Variants in COMMD5 observed in about 807,000 individuals in gnomAD.
COMMD5 encodes COMM domain containing 5, also known as COMM domain-containing protein 5.
A neutral mutation model predicts 6.9 loss-of-function variants in COMMD5; 10 were observed. The observed-to-expected ratio is 1.44, with a 90% CI of 0.89 to 2.45. COMMD5 has a LOEUF of 2.45. Ranked by LOEUF, COMMD5 falls within the 30% of genes most tolerant of loss-of-function variation. COMMD5 has a pLI of 0.00. For missense variants in COMMD5, 234 were observed against 287.8 expected, an observed-to-expected ratio of 0.81 and a Z score of 1.35; for synonymous variants, 127 against 125.3, an observed-to-expected ratio of 1.01 and a Z score of -0.09.
At chr8:144,851,807 G>C (rs1830759934) in intron 1 of COMMD5, among the ~76,000 whole-genome samples, 1 of 152,132 alleles carries the variant, frequency 6.6e-6, no homozygotes, top group South Asian at 2.1e-4. Context: ...ACAACAGTGG[G>C]CAAGAAGAAT....
Position 144,841,345 on chromosome 8 carries a change from T to G in COMMD5, c.*515A>C. The G allele has an allele frequency of 2.5e-6, 4 of 1,594,050 alleles. No individual in the cohort carries two copies. The South Asian group carries it at 4.5e-5, about 18-fold the overall frequency. The stretch of plus-strand genomic sequence containing the variant: ...GGCCTAAGGAACGTCTTTGTTCCTG[T>G]TTATTTCAGATTCTACGATTAGGAC... On this transcript the variant is annotated 3_prime_UTR_variant and NMD_transcript_variant, in exon 2 of 2. Coordinates refer to the COMMD5 transcript ENST00000530332.
chr8:144,849,907 G>A (rs2130773056), downstream of COMMD5, among the ~76,000 whole-genome samples: 1 of 152,128 alleles, frequency 6.6e-6, no homozygotes, highest in South Asian at 2.1e-4. Context: ...AGGCTCTCAG[G>A]CCTTGACCTC....
chr8:144,846,272 C>T, downstream of COMMD5: 1 of 1,259,576 alleles, frequency 7.9e-7, no homozygotes, highest in Non-Finnish European at 1.1e-6. Flanking sequence ...CATTCTGCTT[C>T]AGCACCTGGA....
chr8:144,841,950 T>G, intron 1 of COMMD5: 1 of 1,614,112 alleles, frequency 6.2e-7, no homozygotes. Flanking sequence ...TTAAATGCAC[T>G]GAGTGTGGAA....
At chr8:144,845,448 T>G (rs928916032), downstream of COMMD5, among the ~76,000 whole-genome samples, 7 of 152,214 alleles carry the variant, frequency 4.6e-5, no homozygotes, top group South Asian at 1.5e-3. Context: ...GGTGGGGTTC[T>G]TGGCACATGC....
chr8:144,840,161 T>A (rs1008515122), downstream of COMMD5, among the ~76,000 whole-genome samples: 4 of 152,216 alleles, frequency 2.6e-5, no homozygotes, highest in African/African-American at 9.7e-5. Flanking sequence ...CAAGCCCTGT[T>A]GAAAGAGCAG....
downstream of COMMD5, chr8:144,847,395 A>AT (rs1167151058): frequency 3.3e-5 from 5 of 152,326 alleles, no homozygotes; most frequent in African/African-American, 9.6e-5. Context: ...GTGAGCTGTG[A>AT]TCGCACCACT....
At chr8:144,848,974 G>A (rs745428367), downstream of COMMD5, among the ~76,000 whole-genome samples, 1 of 152,222 alleles carries the variant, frequency 6.6e-6, no homozygotes, top group South Asian at 2.1e-4. Flanking sequence ...AGGGTTCACA[G>A]ATGAATTGAG....
intron 1 of COMMD5, chr8:144,841,744 C>T (rs1211845346): frequency 6.2e-7 from 1 of 1,614,036 alleles, no homozygotes; most frequent in African/African-American, 1.3e-5. Flanking sequence ...AGATATCGCT[C>T]TGCATTGGGA....
At chr8:144,840,522 TGTG>T (rs1829749934), downstream of COMMD5, among the ~76,000 whole-genome samples, 2 of 152,224 alleles carry the variant, frequency 1.3e-5, no homozygotes, top group South Asian at 4.2e-4. Flanking sequence ...AGCCGTGTGT[TGTG>T]GTTGCATCCT....
chr8:144,838,273 T>G (rs1262150350), downstream of COMMD5: 2 of 602,328 alleles, frequency 3.3e-6, no homozygotes, highest in Non-Finnish European at 3.0e-6. Context: ...CCCAGTGACC[T>G]CATGGTGACT....
chr8:144,843,391 C>T lies in COMMD5; in HGVS notation c.*117-1648G>A, dbSNP rs148358165. ...CATCACGAGGTCAGGAGGTTGAGAC[C>T]ATCCTGGGTAACAGGTGAAACCCCA... On this transcript the variant is annotated intron_variant and NMD_transcript_variant, in intron 1 of 1. Coordinates refer to the COMMD5 transcript ENST00000530332. The T allele has an allele frequency of 4.7e-3, 2,193 of 462,632 alleles. 36 individuals carry two copies. The highest frequency in any genetic ancestry group is 0.036 in the African/African-American group (1,806 of 49,660). 28.7% of individuals were successfully genotyped at this position (462,632 alleles called of 1,614,324 possible).
rs780274614 is a variant in COMMD5, at chr8:144,850,822, G to A, written c.517C>T (p.Gln173Ter). ...TTCAGCTGCATCAGGACGCTCGGCT[G>A]CAGGGAGCGAGCCAGGGCACTGGTG... ...ISTSALARSL[Q>*]PSVLMQLKLS... Residue 173 changes from glutamine (Q) to a stop codon, truncating the protein, a stop_gained, in exon 2 of 2, where the codon CAG becomes TAG. Transcript: ENST00000305103. LOFTEE classifies it high-confidence loss of function. The surrounding 1 kb of genome is among the most constrained non-coding windows in gnomAD (Gnocchi z 4.0). 6.2e-7 allele frequency: 1 copy of A among 1,613,902 alleles called. No homozygotes were observed.
At chr8:144,851,643 G>A (rs1243472735) in intron 1 of COMMD5, among the ~76,000 whole-genome samples, 1 of 151,864 alleles carries the variant, frequency 6.6e-6, no homozygotes, top group Non-Finnish European at 1.5e-5. Context: ...AGAAGTAGGG[G>A]GCAGGGAGGA....
In COMMD5 at chr8:144,843,355, C is replaced by T. The variant is rs529364600; in HGVS notation, c.*117-1612G>A. On this transcript the variant is annotated intron_variant and NMD_transcript_variant, in intron 1 of 1. Transcript: ENST00000530332. ...CTGTCATCCCAGCACTTTGGGAGGC[C>T]AAGGCGGGCACATCACGAGGTCAGG... The T allele has an allele frequency of 2.9e-4, 185 of 630,774 alleles. 2 individuals are homozygous for T. In the South Asian group the frequency reaches 4.4e-3, roughly 15 times the overall value. The allele number at this position is 630,774 out of a possible 1,614,324, so 39.1% of individuals were successfully genotyped here.
chr8:144,843,193 T>C, intron 1 of COMMD5: 3 of 1,538,016 alleles, frequency 2.0e-6, no homozygotes, highest in South Asian at 2.6e-5. Flanking sequence ...AATGTGTATA[T>C]ATGTGAATAA....
rs778157041 is a variant in COMMD5 at position 144,851,032 on chromosome 8, T to G, written c.307A>C (p.Ser103Arg). 1 of 1,612,652 alleles carries G rather than the reference T, an allele frequency of 6.2e-7. No homozygotes were observed. Among genetic ancestry groups the G allele is most frequent in the South Asian group, 1.1e-5 (1 of 91,020 alleles). Residue 103 changes from serine to arginine, a missense_variant, in exon 2 of 2, where the codon AGC becomes CGC. Physicochemically the swap from Ser to Arg is moderately radical, Grantham distance 110. Coordinates refer to ENST00000305103, the MANE Select transcript of COMMD5 (RefSeq NM_014066.4). ...LQQALRLPPTSLKPDTFRDQL... is the reference protein window; with the variant it reads ...LQQALRLPPTRLKPDTFRDQL... ...TCCCTGAAGGTGTCAGGCTTCAGGC[T>G]GGTGGGGGGCAGACGGAGGGCCTGC...
upstream of COMMD5, chr8:144,853,119 A>AGGGGCGGAGCC (rs1830828700): frequency 1.3e-5 from 2 of 151,942 alleles, no homozygotes; most frequent in African/African-American, 4.8e-5. Context: ...CGCTGGCCCG[A>AGGGGCGGAGCC]GGGGCGGAGC....
chr8:144,842,005 C>G (rs779605458), intron 1 of COMMD5: 3 of 1,614,188 alleles, frequency 1.9e-6, no homozygotes, highest in Non-Finnish European at 2.5e-6. Context: ...TCAAAGAATC[C>G]ACACTGGGGA....
Sources: gnomAD v4.1 joint callset for allele counts (sites outside exome capture counted in the v4.1 genomes callset) on GRCh38, gnomAD v4.1.1 for gene constraint, Gnocchi (gnomAD v3.1) non-coding constraint, MANE v1.5 for transcripts, NCBI Gene and HGNC (gene_info 2026-07-23, HGNC 2026-07-21) for gene names.